Variants in EPM2A observed in about 807,000 individuals in gnomAD.
EPM2A encodes the protein laforin.
Under a neutral mutation model 26.5 loss-of-function variants are expected in EPM2A, and 21 were observed. The ratio of observed to expected loss-of-function variants is 0.79; its 90% CI spans 0.56 to 1.14. The LOEUF is 1.14. Among genes scored for constraint, EPM2A ranks in the 50% most tolerant of loss-of-function variants. EPM2A has a pLI of 0.00. For synonymous variants in EPM2A, 217 were observed against 177.6 expected, an observed-to-expected ratio of 1.22 and a Z score of -1.76; for missense variants, 458 against 440.8, an observed-to-expected ratio of 1.04 and a Z score of -0.35.
intron 1 of EPM2A, among the ~76,000 whole-genome samples, chr6:145,718,411 G>A (rs1775762719): frequency 1.3e-5 from 2 of 150,862 alleles, no homozygotes; most frequent in Admixed American, 1.3e-4. Flanking sequence ...AAACTGGCTA[G>A]CCATATGTAG....
rs114200300 is a variant in EPM2A at position 145,573,203 on chromosome 6, C to T, written c.340+62042G>A. Among the ~76,000 whole-genome samples the T allele has an allele frequency of 3.9e-3, 601 of 152,286 alleles. 3 individuals are homozygous for T. The highest frequency in any genetic ancestry group is 0.014 in the African/African-American group (568 of 41,550). ...TGTGATATCTTGCAGAAGTGAGAAG[C>T]AATCAAACTCTCTCTGAATAAGATT... On this transcript the variant is annotated intron_variant, in intron 2 of 3. Transcript: ENST00000450221.
Position 145,697,341 on chromosome 6 carries a change from A to G in EPM2A, c.302-11045T>C, listed in dbSNP as rs139141991. On this transcript the variant is annotated intron_variant, in intron 1 of 3. Transcript: ENST00000367519. Reference sequence around the variant, plus strand: ...GTGGGTCACAGAGATCACATGCTTCACATGGTAATAAGATATCACAAGGCA... The same window carrying G: ...GTGGGTCACAGAGATCACATGCTTCGCATGGTAATAAGATATCACAAGGCA... 9.7e-3 allele frequency among the ~76,000 whole-genome samples: 1,473 copies of G among 152,274 alleles called. 10 individuals are homozygous for G. The highest frequency in any genetic ancestry group is 0.017 in the Admixed American group (261 of 15,290).
upstream of EPM2A, chr6:145,735,559 C>G (rs1583157681): frequency 9.8e-6 from 11 of 1,124,484 alleles, no homozygotes; most frequent in Non-Finnish European, 1.2e-5. Flanking sequence ...AGGCGCGGCC[C>G]GAGCACTAGG....
rs577680458 is a variant in EPM2A at position 145,593,268 on chromosome 6, T to G, written c.340+41977A>C. Among the ~76,000 whole-genome samples, 15 of 152,266 alleles carry G rather than the reference T, an allele frequency of 9.9e-5. No homozygotes were observed. In the East Asian group the frequency reaches 2.9e-3, roughly 29 times the overall value. Reference sequence around the variant, plus strand: ...AGAAGACATGACAATTTAATTTGTATGTACATAACAACACAGCATCAAAAT... The same window carrying G: ...AGAAGACATGACAATTTAATTTGTAGGTACATAACAACACAGCATCAAAAT... On this transcript the variant is annotated intron_variant, in intron 2 of 3. Coordinates refer to the EPM2A transcript ENST00000450221.
intron 2 of EPM2A, among the ~76,000 whole-genome samples, chr6:145,620,255 G>T (rs1029981177): frequency 2.6e-5 from 4 of 152,146 alleles, no homozygotes; most frequent in African/African-American, 9.7e-5. Flanking sequence ...TTCTCATAAG[G>T]AGCGTGCAAC....
intron 4 of EPM2A, among the ~76,000 whole-genome samples, chr6:145,491,585 G>A (rs932027562): frequency 6.6e-6 from 1 of 152,092 alleles, no homozygotes; most frequent in African/African-American, 2.4e-5. Context: ...CACAGGATAG[G>A]GGGCAGGGCA....
chr6:145,528,215 G>A (rs899770718), intron 2 of EPM2A, among the ~76,000 whole-genome samples: 1 of 152,242 alleles, frequency 6.6e-6, no homozygotes, highest in Admixed American at 6.5e-5. Context: ...TAATGAAGAA[G>A]CTAAAGCAAG....
At chr6:145,682,576 C>T (rs1780623843) in intron 2 of EPM2A, 1 of 152,154 alleles carries the variant, frequency 6.6e-6, no homozygotes, top group Non-Finnish European at 1.5e-5. Flanking sequence ...CAGCTGTTTA[C>T]ATGTTGTCTT....
chr6:145,387,703 T>A (rs1305191668), intron 4 of EPM2A, among the ~76,000 whole-genome samples: 1 of 151,602 alleles, frequency 6.6e-6, no homozygotes, highest in African/African-American at 2.4e-5. Flanking sequence ...AAAGAAAAAA[T>A]CAAAATTACA....
chr6:145,664,790 G>T (rs1299079777), intron 2 of EPM2A, among the ~76,000 whole-genome samples: 1 of 151,728 alleles, frequency 6.6e-6, no homozygotes, highest in African/African-American at 2.4e-5. Flanking sequence ...AAATGTAAAA[G>T]AACAGAAATT....
At chr6:145,597,137 A>G (rs997083481) in intron 2 of EPM2A, among the ~76,000 whole-genome samples, 2 of 148,348 alleles carry the variant, frequency 1.3e-5, no homozygotes, top group East Asian at 2.0e-4. Context: ...CTCATGATCC[A>G]CCCGCCTCGG....
At chr6:145,397,363 C>G (rs912239000) in intron 4 of EPM2A, among the ~76,000 whole-genome samples, 5 of 152,092 alleles carry the variant, frequency 3.3e-5, no homozygotes, top group Admixed American at 3.3e-4. Flanking sequence ...ACTGCTTGAG[C>G]CCAGGAGTTT....
At chr6:145,429,183 C>G (rs1778890206) in intron 4 of EPM2A, among the ~76,000 whole-genome samples, 1 of 152,274 alleles carries the variant, frequency 6.6e-6, no homozygotes, top group African/African-American at 2.4e-5. Context: ...TATGGCAATA[C>G]TGACCTCTCT....
At chr6:145,395,951 C>T (rs974047961) in intron 4 of EPM2A, among the ~76,000 whole-genome samples, 2 of 152,142 alleles carry the variant, frequency 1.3e-5, no homozygotes, top group East Asian at 1.9e-4. Context: ...TCACTCAAGC[C>T]TGTCCACTAG....
At chr6:145,499,554 A>C (rs938721054), downstream of EPM2A, among the ~76,000 whole-genome samples, 3 of 152,204 alleles carry the variant, frequency 2.0e-5, no homozygotes, top group Admixed American at 6.5e-5. Context: ...ATTCAAGTCC[A>C]TTTCTATTCG....
At chr6:145,693,732 A>G (rs1406042189) in intron 1 of EPM2A, among the ~76,000 whole-genome samples, 1 of 152,006 alleles carries the variant, frequency 6.6e-6, no homozygotes, top group East Asian at 1.9e-4. Context: ...TAAACATATA[A>G]ATCGCTCACT....
chr6:145,735,113 G>GCCGA, intron 1 of EPM2A, 85 bp downstream of exon 1: 1 of 1,040,356 alleles, frequency 9.6e-7, no homozygotes, highest in East Asian at 3.7e-5. Context: ...GGGGCCTGCG[G>GCCGA]GGCCTGCCCG....
At chr6:145,404,328 C>A (rs1226648950) in intron 4 of EPM2A, among the ~76,000 whole-genome samples, 2 of 151,926 alleles carry the variant, frequency 1.3e-5, no homozygotes, top group Non-Finnish European at 2.9e-5. Context: ...TGTTCATACC[C>A]TTTGTCCATT....
At chr6:145,671,415 C>T (rs1028468733) in intron 2 of EPM2A, 1 of 991,854 alleles carries the variant, frequency 1.0e-6, no homozygotes, top group African/African-American at 1.7e-5. Context: ...AGCAGAGAAG[C>T]TGATATGAAC....
Sources: gnomAD v4.1 joint callset for allele counts (sites outside exome capture counted in the v4.1 genomes callset) on GRCh38, gnomAD v4.1.1 for gene constraint, MANE v1.5 for transcripts, NCBI Gene and HGNC (gene_info 2026-07-23, HGNC 2026-07-21) for gene names.